ST6GAL1: variants seen among roughly 807,000 people sequenced by gnomAD.
The protein encoded by ST6GAL1 is beta-galactoside alpha-2,6-sialyltransferase 1.
ST6GAL1 carries 20 observed loss-of-function variants against 38.0 expected under a neutral mutation model. The ratio of observed to expected loss-of-function variants is 0.53; its 90% CI spans 0.37 to 0.77. ST6GAL1 has a LOEUF of 0.77. Among genes scored for constraint, ST6GAL1 ranks in the 30% least tolerant of loss-of-function variants. The pLI is 0.00. For missense variants in ST6GAL1, 432 were observed against 496.4 expected (o/e 0.87, Z 1.23); for synonymous variants, 196 against 188.2 (o/e 1.04, Z -0.34).
intron 2 of ST6GAL1, among the ~76,000 whole-genome samples, chr3:187,008,971 CTT>C (rs1001912381): frequency 1.3e-5 from 2 of 152,220 alleles, no homozygotes; most frequent in African/African-American, 2.4e-5. Flanking sequence ...AAACTACAGT[CTT>C]TGGCAGCATT....
chr3:187,001,813 G>A (rs567626646), intron 2 of ST6GAL1, among the ~76,000 whole-genome samples: 127 of 151,924 alleles, frequency 8.4e-4, no homozygotes, highest in Non-Finnish European at 1.4e-3. Flanking sequence ...AAAATTAGCC[G>A]GGTGTGGTGG....
intron 1 of ST6GAL1, among the ~76,000 whole-genome samples, chr3:186,939,658 G>A (rs1050304914): frequency 2.6e-5 from 4 of 152,162 alleles, no homozygotes; most frequent in Non-Finnish European, 4.4e-5. Context: ...CCCTTCCTGA[G>A]AGGCAGCCTC....
At chr3:186,991,050 T>C (rs1289072479) in intron 2 of ST6GAL1, among the ~76,000 whole-genome samples, 1 of 152,202 alleles carries the variant, frequency 6.6e-6, no homozygotes. Flanking sequence ...ACTGACTTTT[T>C]TCTTTTTCTC....
intron 1 of ST6GAL1, among the ~76,000 whole-genome samples, chr3:186,960,371 A>G (rs1315959967): frequency 6.6e-6 from 1 of 152,124 alleles, no homozygotes; most frequent in Non-Finnish European, 1.5e-5. Flanking sequence ...AAAACAGAGA[A>G]CAGGCCCTGA....
chr3:187,041,824 C>T (rs566931855), intron 3 of ST6GAL1: 1 of 152,284 alleles, frequency 6.6e-6, no homozygotes, highest in Non-Finnish European at 1.5e-5. Flanking sequence ...CGTGGTGCCC[C>T]CAGAGTTGTG....
In ST6GAL1 at chr3:187,074,239, C is replaced by T. The variant is rs1487705665; in HGVS notation, c.885C>T (p.Ile295=). The change falls in exon 7 of 8, where the codon ATC becomes ATT. Residue 295 remains isoleucine (I), a synonymous_variant. Coordinates refer to ENST00000169298, the MANE Select transcript of ST6GAL1 (RefSeq NM_173216.2). ...RKLHPNQPFY[I]LKPQMPWELW... ...TGCACCCCAATCAGCCCTTTTACAT[C>T]CTCAAGCCCCAGATGCCTTGGGAGC... 6.2e-7 allele frequency: 1 copy of T among 1,612,930 alleles called. No individual in the cohort carries two copies.
At chr3:187,047,633 C>T (rs975006449) in intron 4 of ST6GAL1, among the ~76,000 whole-genome samples, 5 of 152,206 alleles carry the variant, frequency 3.3e-5, no homozygotes, top group East Asian at 1.9e-4. Flanking sequence ...CTTTCCCCCT[C>T]GCTAGGCTTG....
intron 6 of ST6GAL1, chr3:187,073,311 T>C: frequency 5.3e-6 from 1 of 189,994 alleles, no homozygotes; most frequent in South Asian, 1.1e-4. Context: ...TAGCACACTT[T>C]TATTTCACAC....
chr3:186,945,923 G>C (rs548802757), intron 1 of ST6GAL1, among the ~76,000 whole-genome samples: 4 of 149,766 alleles, frequency 2.7e-5, no homozygotes, highest in African/African-American at 9.8e-5. Flanking sequence ...CCTGGGAGGC[G>C]GAGCTTGCAG....
chr3:186,997,921 G>T (rs961934703), intron 2 of ST6GAL1, among the ~76,000 whole-genome samples: 1 of 152,094 alleles, frequency 6.6e-6, no homozygotes, highest in African/African-American at 2.4e-5. Flanking sequence ...GGCTGCATAC[G>T]TAGTTTTCAG....
intron 5 of ST6GAL1, chr3:187,064,623 C>T (rs1286964624): frequency 2.0e-5 from 9 of 456,486 alleles, no homozygotes; most frequent in Non-Finnish European, 3.5e-5. Context: ...TTAGGCAAGT[C>T]AGCTCTCTTT....
intron 5 of ST6GAL1, among the ~76,000 whole-genome samples, chr3:187,066,846 C>A (rs934981970): frequency 6.6e-6 from 1 of 152,058 alleles, no homozygotes; most frequent in Non-Finnish European, 1.5e-5. Context: ...ACCCAGGTCA[C>A]ACTCCCCCTG....
At chr3:187,063,017 G>T (rs1347994357) in intron 5 of ST6GAL1, among the ~76,000 whole-genome samples, 2 of 152,180 alleles carry the variant, frequency 1.3e-5, no homozygotes, top group African/African-American at 4.8e-5. Flanking sequence ...AGCTGAAAAA[G>T]TTCTGGAGAT....
At chr3:186,991,177 G>T (rs138857664) in intron 2 of ST6GAL1, among the ~76,000 whole-genome samples, 1 of 152,174 alleles carries the variant, frequency 6.6e-6, no homozygotes, top group African/African-American at 2.4e-5. Context: ...GCCAGGCCAG[G>T]TATTTATTTT....
chr3:187,062,150 C>A (rs1427871266), intron 5 of ST6GAL1, among the ~76,000 whole-genome samples: 1 of 151,866 alleles, frequency 6.6e-6, no homozygotes, highest in Non-Finnish European at 1.5e-5. Flanking sequence ...GGAAATGCAA[C>A]CCAAGAATAC....
At position 187,042,768 on chromosome 3, in the gene ST6GAL1, T is replaced by C; in HGVS notation, c.65T>C (p.Val22Ala). 6.2e-7 allele frequency: 1 copy of C among 1,614,192 alleles called. No homozygotes were observed. The highest frequency in any genetic ancestry group is 8.5e-7 in the Non-Finnish European group (1 of 1,180,020). Reference protein sequence around the residue: ...CCVLVFLLFAVICVWKEKKKG... With the variant: ...CCVLVFLLFAAICVWKEKKKG... Reference sequence around the variant, plus strand: ...GTCCTGGTCTTTCTTCTGTTTGCAGTCATCTGTGTGTGGAAGGAAAAGAAG... The same window carrying C: ...GTCCTGGTCTTTCTTCTGTTTGCAGCCATCTGTGTGTGGAAGGAAAAGAAG... The change falls in exon 4 of 8, where the codon GTC becomes GCC. Residue 22 changes from valine (V) to alanine (A), a missense_variant. Physicochemically the swap from Val to Ala is moderately conservative, Grantham distance 64. Coordinates refer to ENST00000169298, the MANE Select transcript of ST6GAL1 (RefSeq NM_173216.2).
rs969765672 is a variant in ST6GAL1 at position 187,023,780 on chromosome 3, T to C, written c.-182-14962T>C. Among the ~76,000 whole-genome samples, 8 of 151,862 alleles carry C rather than the reference T, an allele frequency of 5.3e-5. No individual in the cohort carries two copies. The South Asian group carries it at 1.7e-3, about 32-fold the overall frequency. On this transcript the variant is annotated intron_variant, in intron 2 of 7. Coordinates refer to ENST00000169298, the MANE Select transcript of ST6GAL1 (RefSeq NM_173216.2). ...GGATAGCATTAGGAGATATACCTAA[T>C]GCTAAATGATGAGTTAATGGGTGCA... is the stretch of plus-strand genomic sequence containing the variant.
intron 2 of ST6GAL1, among the ~76,000 whole-genome samples, chr3:186,975,860 C>T (rs1051914478): frequency 1.3e-5 from 2 of 152,194 alleles, no homozygotes; most frequent in Non-Finnish European, 2.9e-5. Flanking sequence ...ACCTCCCTTA[C>T]CTCATCCCAA....
chr3:187,017,442 T>C (rs1717152830), intron 2 of ST6GAL1, among the ~76,000 whole-genome samples: 1 of 152,020 alleles, frequency 6.6e-6, no homozygotes, highest in Non-Finnish European at 1.5e-5. Flanking sequence ...AGTGGTTCCC[T>C]TCACCTACAC....
Sources: allele counts gnomAD v4.1 joint callset (sites outside exome capture counted in the v4.1 genomes callset), GRCh38; gene constraint gnomAD v4.1.1; transcripts MANE v1.5; gene names NCBI Gene and HGNC (gene_info 2026-07-23, HGNC 2026-07-21).